MTG2: variants seen among roughly 807,000 people sequenced by gnomAD.
MTG2 encodes mitochondrial ribosome associated GTPase 2, also known as mitochondrial ribosome-associated GTPase 2.
MTG2 carries 23 observed loss-of-function variants against 28.6 expected under a neutral mutation model. That is an observed-to-expected ratio of 0.80 (90% CI 0.58 to 1.14). The LOEUF (loss-of-function observed/expected upper bound fraction) is 1.14, where lower values mean the gene tolerates loss of function less well. Among genes scored for constraint, MTG2 ranks in the 50% most tolerant of loss-of-function variants. The pLI is 0.00. For synonymous variants in MTG2, 260 were observed against 251.8 expected, an observed-to-expected ratio of 1.03 and a Z score of -0.31; for missense variants, 539 against 552.0, an observed-to-expected ratio of 0.98 and a Z score of 0.24.
chr20:62,186,807 G>T (rs2057859478), intron 1 of MTG2, among the ~76,000 whole-genome samples: 1 of 151,928 alleles, frequency 6.6e-6, no homozygotes, highest in African/African-American at 2.4e-5. Context: ...GGGATTACAG[G>T]CATGAGCCAC....
At chr20:62,186,715 G>T (rs941757377) in intron 1 of MTG2, among the ~76,000 whole-genome samples, 11 of 152,106 alleles carry the variant, frequency 7.2e-5, no homozygotes, top group Admixed American at 3.3e-4. Context: ...TTTTAGTAGA[G>T]ATGGGGTTTC....
Position 62,201,170 on chromosome 20 carries a change from C to T in MTG2, c.*93C>T, listed in dbSNP as rs1038229014. 4.3e-5 allele frequency: 60 copies of T among 1,406,118 alleles called. No individual in the cohort carries two copies. Among genetic ancestry groups the T allele is most frequent in the South Asian group, 3.2e-4 (22 of 68,000 alleles). The allele number at this position is 1,406,118 out of a possible 1,614,324, so 87.1% of individuals were successfully genotyped here. A position where few individuals can be genotyped will look rare whatever the true frequency, so the allele number is the denominator to read the frequency against. ...GAATGCATAAAGTGCCTTGTGGACA[C>T]GGGGGAGTTGTGGTGCTTCTGGGTC... On this transcript the variant is annotated 3_prime_UTR_variant, in exon 7 of 7. Coordinates refer to ENST00000370823, the MANE Select transcript of MTG2 (RefSeq NM_015666.4).
chr20:62,201,767 G>A lies in MTG2; in HGVS notation c.*690G>A, dbSNP rs1181065917. ...CTCTGTGCTCAGTGGGAGCCAGGAA[G>A]CCTCAGGCTTCACGACTGAATGCAC... is the stretch of plus-strand genomic sequence containing the variant. On this transcript the variant is annotated 3_prime_UTR_variant, in exon 7 of 7. Transcript: ENST00000370823. 6.6e-6 allele frequency: 1 copy of A among 152,300 alleles called. No individual in the cohort carries two copies. The highest frequency in any genetic ancestry group is 2.4e-5 in the African/African-American group (1 of 41,468). 9.4% of individuals were successfully genotyped at this position (152,300 alleles called of 1,614,324 possible). A position where few individuals can be genotyped will look rare whatever the true frequency, so the allele number is the denominator to read the frequency against.
At chr20:62,192,748 T>C (rs1372083188) in intron 1 of MTG2, among the ~76,000 whole-genome samples, 1 of 152,134 alleles carries the variant, frequency 6.6e-6, no homozygotes, top group Non-Finnish European at 1.5e-5. Flanking sequence ...CTATCGCCCC[T>C]GTCACTCAGG....
intron 1 of MTG2, among the ~76,000 whole-genome samples, chr20:62,191,645 G>C (rs1000635810): frequency 6.6e-6 from 1 of 152,172 alleles, no homozygotes; most frequent in African/African-American, 2.4e-5. Flanking sequence ...GTGTCCCCTC[G>C]TTGTGCTCCC....
At chr20:62,196,049 A>C (rs1284266387) in intron 3 of MTG2, 100 bp downstream of exon 3, 1 of 1,421,040 alleles carries the variant, frequency 7.0e-7, no homozygotes, top group Non-Finnish European at 9.6e-7. Flanking sequence ...ACAGTGGCTT[A>C]TGCCTGTGAT....
rs1343350089 is a variant in MTG2 at position 62,203,054 on chromosome 20, G to A, written c.*1977G>A. ...CCTTCTATCCTAGAAACCAGAGATG[G>A]GTTTTGCATCTATTTGCTTTTTCTT... is the stretch of plus-strand genomic sequence containing the variant. On this transcript the variant is annotated 3_prime_UTR_variant, in exon 7 of 7. Transcript: ENST00000370823. 1.3e-5 allele frequency: 2 copies of A among 152,224 alleles called. No individual in the cohort carries two copies. Among genetic ancestry groups the A allele is most frequent in the Admixed American group, 6.5e-5 (1 of 15,284 alleles). 9.4% of individuals were successfully genotyped at this position (152,224 alleles called of 1,614,324 possible).
Position 62,200,767 on chromosome 20 carries a change from G to C in MTG2, c.911G>C (p.Arg304Pro). The C allele has an allele frequency of 6.2e-7, 1 of 1,613,760 alleles. No individual in the cohort carries two copies. Among genetic ancestry groups the C allele is most frequent in the Non-Finnish European group, 8.5e-7 (1 of 1,180,034 alleles). ...SAFLRHIERCRFLLFVVDLSQ... is the reference protein window; with the variant it reads ...SAFLRHIERCPFLLFVVDLSQ... ...TTCCTCAGGCACATCGAGCGCTGCC[G>C]CTTTCTCTTGTTCGTGGTGGATCTT... is the stretch of plus-strand genomic sequence containing the variant. The change falls in exon 7 of 7, where the codon CGC becomes CCC. Residue 304 changes from arginine to proline, a missense_variant. Transcript: ENST00000370823.
intron 1 of MTG2, among the ~76,000 whole-genome samples, chr20:62,184,444 G>A (rs1398058774): frequency 6.6e-6 from 1 of 152,238 alleles, no homozygotes; most frequent in Non-Finnish European, 1.5e-5. Flanking sequence ...TGCAAAGGCA[G>A]AGTGCAGGTT....
chr20:62,188,826 C>T (rs1022991061), intron 1 of MTG2: 8 of 151,908 alleles, frequency 5.3e-5, no homozygotes, highest in South Asian at 2.1e-4. Context: ...CCCACAGATA[C>T]GGAGGACTGA....
chr20:62,191,433 G>T (rs1435723007), intron 1 of MTG2, among the ~76,000 whole-genome samples: 1 of 152,172 alleles, frequency 6.6e-6, no homozygotes, highest in African/African-American at 2.4e-5. Context: ...TCCAGTCGGC[G>T]ACTGACTCTT....
At chr20:62,189,415 T>G (rs1304631327) in intron 1 of MTG2, among the ~76,000 whole-genome samples, 1 of 152,140 alleles carries the variant, frequency 6.6e-6, no homozygotes, top group Non-Finnish European at 1.5e-5. Flanking sequence ...GCTCAAGTGA[T>G]TCTCCCACCT....
At position 62,193,566 on chromosome 20, in the gene MTG2, C is replaced by T. The variant is rs776995841; in HGVS notation, c.146C>T (p.Ala49Val). The stretch of plus-strand genomic sequence containing the variant: ...CCCAGGCTGCTCTCGGTCGGCCGTG[C>T]GGACCTCGCCAAGCATCAGGAACTC... ...ASPRLLSVGR[A>V]DLAKHQELPG... Residue 49 changes from alanine (A) to valine (V), a missense_variant, in exon 2 of 7, where the codon GCG (alanine) becomes GTG (valine). Coordinates refer to ENST00000370823, the MANE Select transcript of MTG2 (RefSeq NM_015666.4). The T allele has an allele frequency of 1.1e-5, 18 of 1,613,630 alleles. No individual in the cohort carries two copies. The Middle Eastern group carries it at 1.2e-3, about 107-fold the overall frequency.
chr20:62,193,798 T>G, intron 2 of MTG2, 174 bp downstream of exon 2: 1 of 648,090 alleles, frequency 1.5e-6, no homozygotes, highest in Non-Finnish European at 2.6e-6. Context: ...GCGTGCTAAA[T>G]CCCACGCTCA....
intron 1 of MTG2, among the ~76,000 whole-genome samples, chr20:62,191,613 A>C (rs534845261): frequency 2.0e-5 from 3 of 152,160 alleles, no homozygotes; most frequent in Non-Finnish European, 4.4e-5. Context: ...CGTCCGAGGC[A>C]CTGCGAGGGA....
At chr20:62,195,004 G>A (rs911338004) in intron 2 of MTG2, among the ~76,000 whole-genome samples, 1 of 152,162 alleles carries the variant, frequency 6.6e-6, no homozygotes, top group African/African-American at 2.4e-5. Flanking sequence ...AGACCATCCT[G>A]GCCAACACGG....
At position 62,202,873 on chromosome 20, in the gene MTG2, C is replaced by T. The variant is rs11696152; in HGVS notation, c.*1796C>T. 46,053 of 152,084 alleles carry T rather than the reference C, an allele frequency of 0.3. 7,185 individuals are homozygous for T. Among genetic ancestry groups the T allele is most frequent in the South Asian group, 0.4 (1,936 of 4,824 alleles). The allele number at this position is 152,084 out of a possible 1,614,324, so 9.4% of individuals were successfully genotyped here. ...GATGAGCCGCAAGGGTCCGGGGCCGCGTCTCTGCACGCTGGGGTGGGGCGC... is the reference window on the plus strand; with the variant it reads ...GATGAGCCGCAAGGGTCCGGGGCCGTGTCTCTGCACGCTGGGGTGGGGCGC... On this transcript the variant is annotated 3_prime_UTR_variant, in exon 7 of 7. Coordinates refer to ENST00000370823, the MANE Select transcript of MTG2 (RefSeq NM_015666.4).
intron 6 of MTG2, 95 bp downstream of exon 6, chr20:62,199,352 T>C (rs2058120826): frequency 6.8e-7 from 1 of 1,471,580 alleles, no homozygotes; most frequent in Non-Finnish European, 9.1e-7. Context: ...CTGTTTAAAA[T>C]GTAGCATTGT....
intron 1 of MTG2, among the ~76,000 whole-genome samples, chr20:62,185,796 G>A (rs1462849580): frequency 6.6e-6 from 1 of 152,208 alleles, no homozygotes; most frequent in Non-Finnish European, 1.5e-5. Context: ...CATTTGGCCA[G>A]TGGGGACTGT....
Sources: allele counts gnomAD v4.1 joint callset (sites outside exome capture counted in the v4.1 genomes callset), GRCh38; gene constraint gnomAD v4.1.1; transcripts MANE v1.5; gene names NCBI Gene and HGNC (gene_info 2026-07-23, HGNC 2026-07-21).